Variants in COL1A1 observed in about 807,000 individuals in gnomAD.
COL1A1 encodes collagen alpha-1(I) chain.
COL1A1 carries 21 observed loss-of-function variants against 195.7 expected under a neutral mutation model. That is an observed-to-expected ratio of 0.11 (90% confidence interval 0.08 to 0.15). The LOEUF is 0.15. COL1A1 is among the 10% of genes least tolerant of loss of function. COL1A1 has a pLI of 1.00. For missense variants in COL1A1, 1,365 were observed against 2,051.0 expected (o/e 0.67, Z 6.46); for synonymous variants, 749 against 747.3 (o/e 1.00, Z -0.04).
In COL1A1 at chr17:50,197,804, G is replaced by A. The variant is rs1345688959; in HGVS notation, c.643-19C>T. ...TGGGACCCTAGAAAAGATAGAAGAG[G>A]TGGTTAGAATATGGATAAGAAAAAA... is the stretch of plus-strand genomic sequence containing the variant. On this transcript the variant is annotated intron_variant, in intron 8 of 50. Transcript: ENST00000225964. 8.1e-6 allele frequency: 13 copies of A among 1,608,970 alleles called. No homozygotes were observed. The highest frequency in any genetic ancestry group is 1.4e-5 in the African/African-American group (1 of 72,692).
At position 50,188,918 on chromosome 17, in the gene COL1A1, A is replaced by G. The variant is rs1276712286; in HGVS notation, c.3030T>C (p.Gly1010=). 1 of 1,610,210 alleles carries G rather than the reference A, an allele frequency of 6.2e-7. No individual in the cohort carries two copies. Among genetic ancestry groups the G allele is most frequent in the Admixed American group, 1.7e-5 (1 of 59,998 alleles). ...MGPPGLAGPP[G]ESGREGAPGA... ...GACTGCTCACCTCACGTCCAGATTC[A>G]CCAGGGGGTCCAGCCAATCCAGGGG... Residue 1010 remains glycine, a synonymous_variant, in exon 41 of 51, where the codon GGT becomes GGC. Coordinates refer to ENST00000225964, the MANE Select transcript of COL1A1 (RefSeq NM_000088.4). This position sits in a 1 kb window ranked among gnomAD's most constrained non-coding sequence, Gnocchi z 5.6.
At chr17:50,199,135 T>C (rs1303400943) in intron 5 of COL1A1, 91 bp downstream of exon 5, 6 of 1,389,318 alleles carry the variant, frequency 4.3e-6, no homozygotes, top group South Asian at 1.7e-5. Flanking sequence ...TTCTGTAAGT[T>C]TGAAATTATT....
At chr17:50,198,651 G>A in intron 5 of COL1A1, 147 bp from the exon 6 acceptor site, 1 of 701,528 alleles carries the variant, frequency 1.4e-6, no homozygotes. Context: ...CTGCAAAGAT[G>A]CATCCCTGCA....
intron 50 of COL1A1, 46 bp from the exon 51 acceptor site, chr17:50,185,694 G>A (rs1259533846): frequency 6.2e-7 from 1 of 1,612,208 alleles, no homozygotes; most frequent in Non-Finnish European, 8.5e-7. Context: ...CCACGTGGGA[G>A]TGATGGAGAG....
rs747650152 is a variant in COL1A1 at position 50,198,173 on chromosome 17, G to T, written c.576C>A (p.Pro192=). Reference sequence around the variant, plus strand: ...CCTGGATACTCACAGGTGCACCAGGGGGGCCAGGGAGACCACGAGGACCAG... The same window carrying T: ...CCTGGATACTCACAGGTGCACCAGGTGGGCCAGGGAGACCACGAGGACCAG... The part of the protein sequence containing the change: ...GPSGPRGLPG[P]PGAPGPQGFQ... The change falls in exon 7 of 51, where the codon CCC becomes CCA. Residue 192 remains proline, a synonymous_variant. Coordinates refer to ENST00000225964, the MANE Select transcript of COL1A1 (RefSeq NM_000088.4). 1.2e-6 allele frequency: 2 copies of T among 1,614,130 alleles called. No homozygotes were observed. Among genetic ancestry groups the T allele is most frequent in the Non-Finnish European group, 1.7e-6 (2 of 1,180,006 alleles).
At chr17:50,196,288 TC>T (rs1427894126) in intron 14 of COL1A1, 25 bp downstream of exon 14, 19 of 1,607,922 alleles carry the variant, frequency 1.2e-5, no homozygotes, top group Non-Finnish European at 1.5e-5. Flanking sequence ...AGCTCAGGGA[TC>T]CCCCAAGGGG....
rs772644181 is a variant in COL1A1 at position 50,185,453 on chromosome 17, G to A, written c.*49C>T. 41 of 1,611,388 alleles carry A rather than the reference G, an allele frequency of 2.5e-5. No individual in the cohort carries two copies. The highest frequency in any genetic ancestry group is 3.2e-5 in the Non-Finnish European group (38 of 1,178,250). On this transcript the variant is annotated 3_prime_UTR_variant, in exon 51 of 51. Coordinates refer to ENST00000225964, the MANE Select transcript of COL1A1 (RefSeq NM_000088.4). ...GGGTTGCTTGTCTGTTTCCGGGTTGGGGGGAAAGTTGGTTGGGTGGGAGGG... is the reference window on the plus strand; with the variant it reads ...GGGTTGCTTGTCTGTTTCCGGGTTGAGGGGAAAGTTGGTTGGGTGGGAGGG...
Position 50,194,661 on chromosome 17 carries a change from C to T in COL1A1, c.1462-35G>A. 6.4e-7 allele frequency: 1 copy of T among 1,557,570 alleles called. No homozygotes were observed. Among genetic ancestry groups the T allele is most frequent in the Non-Finnish European group, 8.7e-7 (1 of 1,150,206 alleles). On this transcript the variant is annotated intron_variant, in intron 21 of 50. Coordinates refer to ENST00000225964, the MANE Select transcript of COL1A1 (RefSeq NM_000088.4). The surrounding 1 kb of genome is among the most constrained non-coding windows in gnomAD (Gnocchi z 6.8). ...GAGAGGAGGCCAGTGAACTCCGCGA[C>T]ACACAGGCACCAGCCAGGCAATGAG... is the stretch of plus-strand genomic sequence containing the variant.
At chr17:50,193,069 G>T in intron 25 of COL1A1, 22 bp from the exon 26 acceptor site, 5 of 1,613,166 alleles carry the variant, frequency 3.1e-6, no homozygotes, top group Non-Finnish European at 4.2e-6. Flanking sequence ...GGGAGTTAGG[G>T]TTGAGGGGGC....
chr17:50,201,450 C>T lies in COL1A1; in HGVS notation c.64G>A (p.Gly22Ser), dbSNP rs72667007. The change falls in exon 1 of 51, where the codon GGC (glycine) becomes AGC (serine). Residue 22 changes from glycine to serine, a missense_variant. This residue lies in a region of COL1A1 where 194 missense variants were observed against 221.7 expected (regional missense o/e 0.88). Transcript: ENST00000225964. ...LLAATALLTH[G>S]QEEGQVEGQD... is the part of the protein sequence containing the mutation. ...CCCTCGACTTGGCCTTCCTCTTGGC[C>T]GTGCGTCAGGAGGGCGGTGGCCGCT... The T allele has an allele frequency of 6.2e-7, 1 of 1,613,624 alleles. No homozygotes were observed. The highest frequency in any genetic ancestry group is 8.5e-7 in the Non-Finnish European group (1 of 1,180,016).
At chr17:50,187,182 G>A in intron 46 of COL1A1, 60 bp from the exon 47 acceptor site, 1 of 1,363,264 alleles carries the variant, frequency 7.3e-7, no homozygotes. Flanking sequence ...CCCAGCTCTG[G>A]AGGAGAGGCC....
In COL1A1 at chr17:50,184,526, A is replaced by T; in HGVS notation, c.*976T>A. The T allele has an allele frequency of 4.3e-6, 1 of 230,828 alleles. No individual in the cohort carries two copies. Among genetic ancestry groups the T allele is most frequent in the East Asian group, 6.1e-5 (1 of 16,262 alleles). 14.3% of individuals were successfully genotyped at this position (230,828 alleles called of 1,614,324 possible). On this transcript the variant is annotated 3_prime_UTR_variant, in exon 51 of 51. Transcript: ENST00000225964. ...TATCAAGGAATAAAAATAGACTTTG[A>T]ACAAAAAGGAACATTTGCTGGCCTG...
chr17:50,200,982 C>T lies in COL1A1; in HGVS notation c.103+429G>A, dbSNP rs538343091. On this transcript the variant is annotated intron_variant, in intron 1 of 50. Transcript: ENST00000225964. ...CCCCTCCGCGGCTGCCCAGCACCCCCACGGCCCCAGCAACACTCTAGCCCG... is the reference window on the plus strand; with the variant it reads ...CCCCTCCGCGGCTGCCCAGCACCCCTACGGCCCCAGCAACACTCTAGCCCG... 3.3e-5 allele frequency among the ~76,000 whole-genome samples: 5 copies of T among 152,376 alleles called. No homozygotes were observed. In the East Asian group the frequency reaches 7.7e-4, roughly 24 times the overall value.
intron 8 of COL1A1, 39 bp downstream of exon 8, chr17:50,197,910 T>C (rs755069056): frequency 7.5e-6 from 12 of 1,608,860 alleles, no homozygotes; most frequent in Non-Finnish European, 1.0e-5. Flanking sequence ...AGTCTGTGTG[T>C]TTGTAGAAGG....
chr17:50,188,930 A>G lies in COL1A1; in HGVS notation c.3018T>C (p.Ala1006=). The G allele has an allele frequency of 6.2e-7, 1 of 1,612,504 alleles. No individual in the cohort carries two copies. Among genetic ancestry groups the G allele is most frequent in the Non-Finnish European group, 8.5e-7 (1 of 1,178,744 alleles). Residue 1006 remains alanine, a synonymous_variant, in exon 41 of 51, where the codon GCT becomes GCC. Transcript: ENST00000225964. The surrounding 1 kb of genome is among the most constrained non-coding windows in gnomAD (Gnocchi z 5.6). ...CACGTCCAGATTCACCAGGGGGTCC[A>G]GCCAATCCAGGGGGGCCCATGGGAC... ...PPGPMGPPGL[A]GPPGESGREG...
chr17:50,197,698 G>A, intron 9 of COL1A1, 34 bp downstream of exon 9: 4 of 1,543,452 alleles, frequency 2.6e-6, no homozygotes, highest in Middle Eastern at 2.0e-4. Flanking sequence ...GAGGCCATGG[G>A]GTCAGATGGT....
In COL1A1 at chr17:50,197,169, C is replaced by A; in HGVS notation, c.750+11G>T. The A allele has an allele frequency of 6.2e-7, 1 of 1,613,894 alleles. No individual in the cohort carries two copies. The highest frequency in any genetic ancestry group is 8.5e-7 in the Non-Finnish European group (1 of 1,180,022). On this transcript the variant is annotated intron_variant, in intron 10 of 50. Transcript: ENST00000225964. ...AGTGAAGCCCAGGTTCAGCCACAGC[C>A]CCCTGCTCACCTGAGGCCCAGGAGG...
Position 50,188,247 on chromosome 17 carries a change from G to T in COL1A1, c.3208-98C>A. 1 of 1,213,124 alleles carries T rather than the reference G, an allele frequency of 8.2e-7. No individual in the cohort carries two copies. The highest frequency in any genetic ancestry group is 1.1e-6 in the Non-Finnish European group (1 of 876,684). The allele number at this position is 1,213,124 out of a possible 1,614,324, so 75.1% of individuals were successfully genotyped here. On this transcript the variant is annotated intron_variant, in intron 43 of 50. Coordinates refer to ENST00000225964, the MANE Select transcript of COL1A1 (RefSeq NM_000088.4). This position sits in a 1 kb window ranked among gnomAD's most constrained non-coding sequence, Gnocchi z 5.6. Reference sequence around the variant, plus strand: ...CCTCTGCTGGATCTCTCTCTCCTCAGCTGCTTCCCACTGTGGCCATCTCTC... The same window carrying T: ...CCTCTGCTGGATCTCTCTCTCCTCATCTGCTTCCCACTGTGGCCATCTCTC...
In COL1A1 at chr17:50,194,297, A is replaced by G; in HGVS notation, c.1614+52T>C. 1 of 1,603,322 alleles carries G rather than the reference A, an allele frequency of 6.2e-7. No individual in the cohort carries two copies. The highest frequency in any genetic ancestry group is 1.1e-5 in the South Asian group (1 of 90,840). On this transcript the variant is annotated intron_variant, in intron 23 of 50. Coordinates refer to ENST00000225964, the MANE Select transcript of COL1A1 (RefSeq NM_000088.4). The surrounding 1 kb of genome is among the most constrained non-coding windows in gnomAD (Gnocchi z 6.8). The stretch of plus-strand genomic sequence containing the variant: ...TCCAGAACGCCTCATCCCAGACCCT[A>G]CACGGGATGGTCAGGGCCTGGCCAA...
Sources: allele counts gnomAD v4.1 joint callset (sites outside exome capture counted in the v4.1 genomes callset), GRCh38; gene constraint gnomAD v4.1.1; regional missense constraint gnomAD v4.1.1; non-coding constraint Gnocchi (gnomAD v3.1); transcripts MANE v1.5; gene names NCBI Gene and HGNC (gene_info 2026-07-23, HGNC 2026-07-21).